The following IQGAP2 variants were observed in gnomAD, a reference collection of about 807,000 sequenced individuals.
IQGAP2 encodes IQ motif containing GTPase activating protein 2.
A neutral mutation model predicts 201.3 loss-of-function variants in IQGAP2; 173 were observed. That is an observed-to-expected ratio of 0.86 (90% CI 0.76 to 0.98). The LOEUF (loss-of-function observed/expected upper bound fraction) is 0.98, where lower values mean the gene tolerates loss of function less well. Among genes scored for constraint, IQGAP2 ranks in the 50% least tolerant of loss-of-function variants. The probability of loss-of-function intolerance (pLI) is 0.00; values close to 1 mark genes in which losing one functional copy is unlikely to be tolerated. For missense variants in IQGAP2, 1,687 were observed against 1,864.8 expected (o/e 0.90, Z 1.76); for synonymous variants, 675 against 673.9 (o/e 1.00, Z -0.03).
At chr5:76,426,589 T>G (rs1041745137) in intron 1 of IQGAP2, among the ~76,000 whole-genome samples, 2 of 152,210 alleles carry the variant, frequency 1.3e-5, no homozygotes, top group African/African-American at 4.8e-5. Flanking sequence ...ATTGTTCCTT[T>G]TCTTTGCATT....
chr5:76,707,395 T>C lies in IQGAP2; in HGVS notation c.*82T>C. Reference sequence around the variant, plus strand: ...TTAATATTTTTGTTTTTAAACATGATTGAAATCACTGCTTATAAATGTGTG... The same window carrying C: ...TTAATATTTTTGTTTTTAAACATGACTGAAATCACTGCTTATAAATGTGTG... On this transcript the variant is annotated 3_prime_UTR_variant, in exon 36 of 36. Coordinates refer to ENST00000274364, the MANE Select transcript of IQGAP2 (RefSeq NM_006633.5). The C allele has an allele frequency of 1.4e-6, 1 of 718,798 alleles. No homozygotes were observed. The highest frequency in any genetic ancestry group is 2.5e-6 in the Non-Finnish European group (1 of 404,428). 44.5% of individuals were successfully genotyped at this position (718,798 alleles called of 1,614,324 possible).
intron 13 of IQGAP2, chr5:76,618,527 T>C: frequency 6.2e-7 from 1 of 1,614,178 alleles, no homozygotes; most frequent in Non-Finnish European, 8.5e-7. Flanking sequence ...TCGTGGCTCC[T>C]GTCCAGCCTT....
At chr5:76,623,102 C>T in intron 13 of IQGAP2, 1 of 1,471,178 alleles carries the variant, frequency 6.8e-7, no homozygotes, top group African/African-American at 1.4e-5. Context: ...AACCTAGGTT[C>T]AGTTGACTCT....
chr5:76,511,806 G>A (rs951060434), intron 2 of IQGAP2, among the ~76,000 whole-genome samples: 3 of 151,270 alleles, frequency 2.0e-5, no homozygotes, highest in African/African-American at 4.9e-5. Flanking sequence ...TCAGCCTCCC[G>A]AGTAGCTGGG....
At chr5:76,505,230 G>A (rs2150174135) in intron 2 of IQGAP2, among the ~76,000 whole-genome samples, 1 of 152,228 alleles carries the variant, frequency 6.6e-6, no homozygotes, top group East Asian at 1.9e-4. Flanking sequence ...GTCTAGTGAA[G>A]GAATGAGCGG....
chr5:76,542,080 C>T (rs1291544634), intron 2 of IQGAP2, among the ~76,000 whole-genome samples: 1 of 152,140 alleles, frequency 6.6e-6, no homozygotes, highest in African/African-American at 2.4e-5. Flanking sequence ...CCCTCTTGGG[C>T]TGCAGCAATG....
intron 9 of IQGAP2, among the ~76,000 whole-genome samples, chr5:76,594,441 T>A (rs187717354): frequency 6.6e-6 from 1 of 151,988 alleles, no homozygotes; most frequent in Non-Finnish European, 1.5e-5. Context: ...TTGGCTATAC[T>A]TTTTTTTTCC....
At chr5:76,621,175 T>G (rs1749628935) in intron 13 of IQGAP2, among the ~76,000 whole-genome samples, 1 of 152,198 alleles carries the variant, frequency 6.6e-6, no homozygotes, top group Admixed American at 6.5e-5. Flanking sequence ...CAGAGCCAGT[T>G]TCTCTTCCTG....
chr5:76,425,684 T>C (rs977812398), intron 1 of IQGAP2, among the ~76,000 whole-genome samples: 1 of 152,220 alleles, frequency 6.6e-6, no homozygotes, highest in African/African-American at 2.4e-5. Flanking sequence ...CTTCTGATTA[T>C]GAGAGATGAA....
intron 1 of IQGAP2, among the ~76,000 whole-genome samples, chr5:76,451,471 C>A (rs10067617): frequency 0.42 from 63,966 of 152,070 alleles, 16,674 homozygotes; most frequent in African/African-American, 0.75. Context: ...GTCACACCCA[C>A]GCTATCTCTT....
intron 2 of IQGAP2, among the ~76,000 whole-genome samples, chr5:76,464,451 A>G (rs1212180924): frequency 6.6e-6 from 1 of 152,192 alleles, no homozygotes; most frequent in Non-Finnish European, 1.5e-5. Context: ...TTTCTACTAA[A>G]TTGTATGCTT....
intron 21 of IQGAP2, among the ~76,000 whole-genome samples, chr5:76,659,639 C>T (rs543646655): frequency 3.9e-5 from 6 of 152,220 alleles, no homozygotes; most frequent in Admixed American, 2.0e-4. Context: ...TCTTGACCCA[C>T]GTAAATGACC....
chr5:76,596,507 G>A (rs969439026), intron 9 of IQGAP2, among the ~76,000 whole-genome samples: 9 of 152,198 alleles, frequency 5.9e-5, no homozygotes, highest in African/African-American at 1.9e-4. Context: ...AGAGATCACA[G>A]AGTGTATTAG....
At chr5:76,651,034 A>C (rs915349647) in intron 17 of IQGAP2, among the ~76,000 whole-genome samples, 1 of 152,178 alleles carries the variant, frequency 6.6e-6, no homozygotes, top group Non-Finnish European at 1.5e-5. Flanking sequence ...TTCCCTCCCC[A>C]AAACTATACC....
At chr5:76,455,667 G>A (rs900538182) in intron 1 of IQGAP2, among the ~76,000 whole-genome samples, 7 of 152,078 alleles carry the variant, frequency 4.6e-5, no homozygotes, top group African/African-American at 1.7e-4. Flanking sequence ...CCATTTTCCT[G>A]CATAATTATG....
chr5:76,437,531 G>T (rs745700971), intron 1 of IQGAP2, among the ~76,000 whole-genome samples: 2 of 151,866 alleles, frequency 1.3e-5, no homozygotes, highest in African/African-American at 4.8e-5. Flanking sequence ...TAGCTCCCCC[G>T]CTCCCCTCCC....
rs918140637 is a variant in IQGAP2, at chr5:76,693,404, T to C, written c.3955T>C (p.Leu1319=). 2 of 1,613,794 alleles carry C rather than the reference T, an allele frequency of 1.2e-6. No individual in the cohort carries two copies. The highest frequency in any genetic ancestry group is 1.7e-6 in the Non-Finnish European group (2 of 1,179,832). ...DVIRNQPGNT[L]TEILETPATA... is the part of the protein sequence containing the mutation. ...GATCCGGAACCAGCCAGGGAACACA[T>C]TGACAGAAATCTTAGAGACACCAGC... Residue 1319 remains leucine, a synonymous_variant, in exon 31 of 36, where the codon TTG becomes CTG. Coordinates refer to ENST00000274364, the MANE Select transcript of IQGAP2 (RefSeq NM_006633.5).
rs1742854912 is a variant in IQGAP2 at position 76,542,693 on chromosome 5, G to C, written c.147-19703G>C. Among the ~76,000 whole-genome samples, 8 of 152,150 alleles carry C rather than the reference G, an allele frequency of 5.3e-5. No homozygotes were observed. In the South Asian group the frequency reaches 1.7e-3, roughly 32 times the overall value. ...AGGGACAGGTCTTATCAACAGATTG[G>C]TTTCTACTGGTTAAAAGTTGCATTA... On this transcript the variant is annotated intron_variant, in intron 2 of 35. Transcript: ENST00000274364.
chr5:76,587,767 C>A (rs1223215906), intron 5 of IQGAP2, among the ~76,000 whole-genome samples: 5 of 151,848 alleles, frequency 3.3e-5, no homozygotes, highest in East Asian at 1.9e-4. Flanking sequence ...CATGGTGAAA[C>A]CCCGTCTCTA....
Sources: gnomAD v4.1 joint callset for allele counts (sites outside exome capture counted in the v4.1 genomes callset) on GRCh38, gnomAD v4.1.1 for gene constraint, MANE v1.5 for transcripts, NCBI Gene and HGNC (gene_info 2026-07-23, HGNC 2026-07-21) for gene names.